The following PKD2L1 variants were observed in gnomAD, a reference collection of about 807,000 sequenced individuals.
PKD2L1 encodes polycystin 2 like 1, transient receptor potential cation channel.
PKD2L1 carries 77 observed loss-of-function variants against 93.0 expected under a neutral mutation model. The ratio of observed to expected loss-of-function variants is 0.83; its 90% confidence interval spans 0.69 to 1.00. The LOEUF is 1.00. PKD2L1 is among the 50% of genes least tolerant of loss of function. The pLI is 0.00. For missense variants in PKD2L1, 977 were observed against 990.9 expected, an observed-to-expected ratio of 0.99 and a Z score of 0.19; for synonymous variants, 390 against 388.0, an observed-to-expected ratio of 1.01 and a Z score of -0.06.
chr10:100,316,192 G>T (rs1350662439), intron 2 of PKD2L1, among the ~76,000 whole-genome samples: 1 of 152,078 alleles, frequency 6.6e-6, no homozygotes, highest in African/African-American at 2.4e-5. Flanking sequence ...TTTTTTTTGA[G>T]ACGGAGTCTT....
Position 100,297,578 on chromosome 10 carries a change from C to T in PKD2L1, c.760G>A (p.Gly254Arg), listed in dbSNP as rs1848576195. The T allele has an allele frequency of 2.5e-6, 4 of 1,613,962 alleles. No individual in the cohort carries two copies. Among genetic ancestry groups the T allele is most frequent in the African/African-American group, 1.3e-5 (1 of 75,012 alleles). Residue 254 changes from glycine to arginine, a missense_variant, in exon 5 of 16, where the codon GGG (glycine) becomes AGG (arginine). Gly to Arg is a moderately radical substitution (Grantham distance 125). Coordinates refer to ENST00000318222, the MANE Select transcript of PKD2L1 (RefSeq NM_016112.3). ...AWTYHSQDEL[G>R]GFSHWGRLTS... is the part of the protein sequence containing the mutation. ...AGCCTGCCCCAGTGGGAGAAGCCCCCCAACTCATCCTGCGAGTGGTATGTC... is the reference window on the plus strand; with the variant it reads ...AGCCTGCCCCAGTGGGAGAAGCCCCTCAACTCATCCTGCGAGTGGTATGTC...
In PKD2L1 at chr10:100,291,284, C is replaced by A; in HGVS notation, c.2007+17G>T. 1 of 1,610,974 alleles carries A rather than the reference C, an allele frequency of 6.2e-7. No homozygotes were observed. Among genetic ancestry groups the A allele is most frequent in the South Asian group, 1.1e-5 (1 of 90,672 alleles). ...CTATTTCCTTACACTGCCTCTCCAC[C>A]CATCAGCCCAGCTCACCCTCTCTTC... On this transcript the variant is annotated intron_variant, in intron 12 of 15. Coordinates refer to ENST00000318222, the MANE Select transcript of PKD2L1 (RefSeq NM_016112.3).
chr10:100,291,025 T>C (rs1330561990), intron 12 of PKD2L1, among the ~76,000 whole-genome samples: 2 of 152,226 alleles, frequency 1.3e-5, no homozygotes, highest in African/African-American at 2.4e-5. Flanking sequence ...TGGCTATGTA[T>C]TGGAATCACC....
At position 100,288,995 on chromosome 10, in the gene PKD2L1, C is replaced by G. The variant is rs376910073; in HGVS notation, c.2312G>C (p.Gly771Ala). Residue 771 changes from glycine (G) to alanine (A), a missense_variant, in exon 15 of 16, where the codon GGA (glycine) becomes GCA (alanine). Coordinates refer to ENST00000318222, the MANE Select transcript of PKD2L1 (RefSeq NM_016112.3). ...PAPAVTPDPWGVQGGQESEVP... is the reference protein window; with the variant it reads ...PAPAVTPDPWAVQGGQESEVP... The stretch of plus-strand genomic sequence containing the variant: ...ACCACTCTCCTGCCCACCCTGGACT[C>G]CCCAGGGGTCTGGGGTCACAGCTGG... The G allele has an allele frequency of 5.0e-6, 8 of 1,610,802 alleles. No homozygotes were observed. The African/African-American group carries it at 9.4e-5, about 19-fold the overall frequency.
intron 2 of PKD2L1, among the ~76,000 whole-genome samples, chr10:100,301,462 C>CG (rs555383475): frequency 2.0e-4 from 30 of 151,808 alleles, no homozygotes; most frequent in East Asian, 1.2e-3. Context: ...AGGCCCCCCC[C>CG]CCGGGAATGC....
At position 100,291,324 on chromosome 10, in the gene PKD2L1, G is replaced by T; in HGVS notation, c.1984C>A (p.Arg662=). Residue 662 remains arginine, a synonymous_variant, in exon 12 of 16, where the codon CGA becomes AGA. Transcript: ENST00000318222. ...ILDEKEQEKM[R]QDLEEERVAL... ...ACCCTCTCTTCCTCCAGGTCCTGTCGCATTTTTTCCTGTTCCTTCTCATCC... is the reference window on the plus strand; with the variant it reads ...ACCCTCTCTTCCTCCAGGTCCTGTCTCATTTTTTCCTGTTCCTTCTCATCC... 2 of 1,613,766 alleles carry T rather than the reference G, an allele frequency of 1.2e-6. No homozygotes were observed. Among genetic ancestry groups the T allele is most frequent in the Non-Finnish European group, 1.7e-6 (2 of 1,179,858 alleles).
chr10:100,312,538 G>A (rs1332615021), intron 2 of PKD2L1, among the ~76,000 whole-genome samples: 2 of 152,142 alleles, frequency 1.3e-5, no homozygotes, highest in African/African-American at 4.8e-5. Flanking sequence ...ACTTGTCCAT[G>A]CTGAATCAAT....
At position 100,293,344 on chromosome 10, in the gene PKD2L1, T is replaced by C; in HGVS notation, c.1695A>G (p.Ser565=). ...GTCCAGCCAGCTCCTCCTTGACCTC[T>C]GAATATGTGTCATTGATGATGGCCA... The part of the protein sequence containing the change: ...MFLAIINDTY[S]EVKEELAGQK... Residue 565 remains serine, a synonymous_variant, in exon 10 of 16, where the codon TCA becomes TCG. Coordinates refer to ENST00000318222, the MANE Select transcript of PKD2L1 (RefSeq NM_016112.3). 1 of 1,613,510 alleles carries C rather than the reference T, an allele frequency of 6.2e-7. No individual in the cohort carries two copies. Among genetic ancestry groups the C allele is most frequent in the Non-Finnish European group, 8.5e-7 (1 of 1,179,412 alleles).
intron 7 of PKD2L1, 35 bp from the exon 8 acceptor site, chr10:100,295,158 G>C: frequency 6.3e-7 from 1 of 1,574,812 alleles, no homozygotes. Flanking sequence ...GGATGAAGAA[G>C]GAAAAGGGAA....
In PKD2L1 at chr10:100,321,742, AGAAAGAAAGAAAGAAGGGAG is replaced by A. The variant is rs1564894475; in HGVS notation, c.349+7449_349+7468del. On this transcript the variant is annotated intron_variant, in intron 2 of 15. Transcript: ENST00000318222. Reference sequence around the variant, plus strand: ...AAGAAAGAAAGAAAGAAAGAAAGAAAGAAAGAAAGAAAGAAGGGAGGGAGGGAGGGAGGGAGGGAGGGAGG... The same window carrying A: ...AAGAAAGAAAGAAAGAAAGAAAGAAAGGAGGGAGGGAGGGAGGGAGGGAGG... Among the ~76,000 whole-genome samples the A allele has an allele frequency of 2.9e-3, 21 of 7,358 alleles. 4 individuals carry two copies. The highest frequency in any genetic ancestry group is 0.013 in the East Asian group (4 of 302). 4.8% of individuals were successfully genotyped at this position (7,358 alleles called of 152,430 possible).
At chr10:100,326,458 C>T (rs1473538320) in intron 2 of PKD2L1, among the ~76,000 whole-genome samples, 1 of 152,168 alleles carries the variant, frequency 6.6e-6, no homozygotes, top group Non-Finnish European at 1.5e-5. Context: ...GGGGATAAAT[C>T]CTCCATATCT....
At chr10:100,295,731 CAAAAAAAAAAAAAA>C (rs71013441) in intron 7 of PKD2L1, among the ~76,000 whole-genome samples, 2 of 56,620 alleles carry the variant, frequency 3.5e-5, no homozygotes, top group African/African-American at 1.5e-4. Context: ...GACTTCGTCT[CAAAAAAAAAAAAAA>C]AAAAAAAAAG....
In PKD2L1 at chr10:100,295,732, A is replaced by T. The variant is rs1228079977; in HGVS notation, c.1356+390T>A. 1.6e-4 allele frequency among the ~76,000 whole-genome samples: 4 copies of T among 25,228 alleles called. No individual in the cohort carries two copies. The Admixed American group carries it at 1.9e-3, about 12-fold the overall frequency. The allele number at this position is 25,228 out of a possible 152,430, so 16.6% of individuals were successfully genotyped here. On this transcript the variant is annotated intron_variant, in intron 7 of 15. Transcript: ENST00000318222. The stretch of plus-strand genomic sequence containing the variant: ...AGACAACAGAGTGAGACTTCGTCTC[A>T]AAAAAAAAAAAAAAAAAAAAAAGTC...
chr10:100,288,808 C>T (rs1180425101), intron 15 of PKD2L1, among the ~76,000 whole-genome samples, 164 bp downstream of exon 15: 1 of 152,186 alleles, frequency 6.6e-6, no homozygotes, highest in Non-Finnish European at 1.5e-5. Flanking sequence ...TGATGCCCAC[C>T]ACACACAGAA....
rs367847029 is a variant in PKD2L1 at position 100,297,220 on chromosome 10, G to T, written c.957-12C>A. On this transcript the variant is annotated splice_polypyrimidine_tract_variant and intron_variant, in intron 5 of 15. Coordinates refer to ENST00000318222, the MANE Select transcript of PKD2L1 (RefSeq NM_016112.3). ...ACTCCACCACCAGCCTATAGGGGGA[G>T]GGGGAGATGACCTCCAGTGGAGCCT... The T allele has an allele frequency of 1.2e-6, 2 of 1,611,010 alleles. No homozygotes were observed. The highest frequency in any genetic ancestry group is 2.2e-5 in the East Asian group (1 of 44,852).
intron 2 of PKD2L1, among the ~76,000 whole-genome samples, chr10:100,314,990 GGAAGGAAGGAAGGAAGGAA>G (rs1178762561): frequency 0.031 from 416 of 13,394 alleles, 10 homozygotes; most frequent in South Asian, 0.083. Context: ...AAGGAAGGAA[GGAAGGAAGGAAGGAAGGAA>G]GGAAGGGAAG....
chr10:100,298,415 C>T, intron 4 of PKD2L1, 147 bp downstream of exon 4: 1 of 784,384 alleles, frequency 1.3e-6, no homozygotes, highest in Non-Finnish European at 2.1e-6. Context: ...CAAACAGTCA[C>T]AGCTGGGATT....
At position 100,296,298 on chromosome 10, in the gene PKD2L1, A is replaced by G. The variant is rs745836474; in HGVS notation, c.1186-6T>C. The G allele has an allele frequency of 6.3e-7, 1 of 1,584,084 alleles. No individual in the cohort carries two copies. Among genetic ancestry groups the G allele is most frequent in the South Asian group, 1.2e-5 (1 of 85,956 alleles). ...CCCACAGCCACAATGGAGAGCTGTC[A>G]CACAGGGGTCATGGGGGTGTCAGAG... is the stretch of plus-strand genomic sequence containing the variant. On this transcript the variant is annotated splice_region_variant and splice_polypyrimidine_tract_variant and intron_variant, in intron 6 of 15. Coordinates refer to ENST00000318222, the MANE Select transcript of PKD2L1 (RefSeq NM_016112.3).
Position 100,321,739 on chromosome 10 carries a change from GAAA to G in PKD2L1, c.349+7469_349+7471del, listed in dbSNP as rs1564894464. Among the ~76,000 whole-genome samples, 27 of 9,410 alleles carry G rather than the reference GAAA, an allele frequency of 2.9e-3. 2 individuals are homozygous for G. Among genetic ancestry groups the G allele is most frequent in the South Asian group, 7.4e-3 (1 of 136 alleles). The allele number at this position is 9,410 out of a possible 152,430, so 6.2% of individuals were successfully genotyped here. A position where few individuals can be genotyped will look rare whatever the true frequency, so the allele number is the denominator to read the frequency against. Reference sequence around the variant, plus strand: ...AGAAAGAAAGAAAGAAAGAAAGAAAGAAAGAAAGAAAGAAAGAAGGGAGGGAGG... The same window carrying G: ...AGAAAGAAAGAAAGAAAGAAAGAAAGGAAAGAAAGAAAGAAGGGAGGGAGG... On this transcript the variant is annotated intron_variant, in intron 2 of 15. Transcript: ENST00000318222.
Sources: gnomAD v4.1 joint callset for allele counts (sites outside exome capture counted in the v4.1 genomes callset) on GRCh38, gnomAD v4.1.1 for gene constraint, MANE v1.5 for transcripts, NCBI Gene and HGNC (gene_info 2026-07-23, HGNC 2026-07-21) for gene names.